BRD10: variants seen among roughly 807,000 people sequenced by gnomAD.
BRD10 encodes bromodomain containing 10.
chr9:6,005,037 T>G, the BRD10 span, among the ~76,000 whole-genome samples: 30,289 of 152,182 alleles, frequency 0.2, 3,241 homozygotes, highest in Middle Eastern at 0.3. Context: ...CCTAAGAATG[T>G]CAGAAATACA....
At chr9:5,989,991 C>T in the BRD10 span, among the ~76,000 whole-genome samples, 1 of 152,212 alleles carries the variant, frequency 6.6e-6, no homozygotes, top group Non-Finnish European at 1.5e-5. Flanking sequence ...TTCTACCAAA[C>T]TGTAGCACCA....
At chr9:5,945,224 C>T in the BRD10 span, among the ~76,000 whole-genome samples, 2 of 151,962 alleles carry the variant, frequency 1.3e-5, no homozygotes, top group African/African-American at 2.4e-5. Flanking sequence ...CTTTATAATT[C>T]GGGTACTTTC....
At chr9:5,931,615 T>C in the BRD10 span, among the ~76,000 whole-genome samples, 1 of 152,204 alleles carries the variant, frequency 6.6e-6, no homozygotes, top group Non-Finnish European at 1.5e-5. Context: ...TCTTTCTTTA[T>C]GTATTTTCAG....
At chr9:5,927,376 T>C in the BRD10 span, among the ~76,000 whole-genome samples, 1 of 152,202 alleles carries the variant, frequency 6.6e-6, no homozygotes. Flanking sequence ...ATTTTTTGTC[T>C]ACTAAATCAT....
the BRD10 span, among the ~76,000 whole-genome samples, chr9:5,971,028 G>T: frequency 7.9e-6 from 1 of 126,052 alleles, no homozygotes. Flanking sequence ...CTCCAGCCTG[G>T]GCAACAAGAG....
At chr9:5,941,637 G>A in the BRD10 span, among the ~76,000 whole-genome samples, 3 of 152,124 alleles carry the variant, frequency 2.0e-5, no homozygotes, top group African/African-American at 7.2e-5. Context: ...AACAAAATTA[G>A]TTGCTTTGCA....
At chr9:5,892,534 T>C in the BRD10 span, 1 of 1,613,388 alleles carries the variant, frequency 6.2e-7, no homozygotes, top group South Asian at 1.1e-5. Flanking sequence ...ACGGCCACTC[T>C]TACACCACGG....
chr9:5,902,956 A>G, the BRD10 span, among the ~76,000 whole-genome samples: 1 of 152,166 alleles, frequency 6.6e-6, no homozygotes, highest in Non-Finnish European at 1.5e-5. Flanking sequence ...TACACATTCA[A>G]TGTCATACAT....
At chr9:5,978,847 T>G in the BRD10 span, among the ~76,000 whole-genome samples, 6 of 152,224 alleles carry the variant, frequency 3.9e-5, no homozygotes, top group Non-Finnish European at 7.3e-5. Flanking sequence ...CTACCTGATG[T>G]TGTTCATGCA....
the BRD10 span, chr9:5,919,670 CTT>C: frequency 6.3e-7 from 1 of 1,581,888 alleles, no homozygotes; most frequent in Non-Finnish European, 8.6e-7. Flanking sequence ...AAAACTGGCT[CTT>C]TTAGTCTAAA....
At chr9:5,885,600 T>C in the BRD10 span, among the ~76,000 whole-genome samples, 1 of 152,154 alleles carries the variant, frequency 6.6e-6, no homozygotes, top group Non-Finnish European at 1.5e-5. Flanking sequence ...CTTGAACTCC[T>C]GACCTCAGGT....
At chr9:5,952,273 G>A in the BRD10 span, among the ~76,000 whole-genome samples, 15 of 152,022 alleles carry the variant, frequency 9.9e-5, no homozygotes, top group South Asian at 2.1e-4. Context: ...CGCCTGCCTC[G>A]GCCTCCCTAA....
At chr9:5,922,960 C>T in the BRD10 span, 45 of 1,613,884 alleles carry the variant, frequency 2.8e-5, no homozygotes, top group South Asian at 4.6e-4. Flanking sequence ...TCCCAATATT[C>T]TTTGCAAGCA....
chr9:5,985,194 T>C, the BRD10 span, among the ~76,000 whole-genome samples: 3 of 152,228 alleles, frequency 2.0e-5, no homozygotes, highest in Non-Finnish European at 4.4e-5. Flanking sequence ...CTGAAGGAAC[T>C]GGCTATCCAT....
the BRD10 span, chr9:5,968,299 T>C: frequency 1.2e-6 from 2 of 1,611,626 alleles, no homozygotes; most frequent in Non-Finnish European, 8.5e-7. Context: ...GACTTCCATT[T>C]ACATGTATTT....
At chr9:5,974,763 C>A in the BRD10 span, among the ~76,000 whole-genome samples, 1 of 152,174 alleles carries the variant, frequency 6.6e-6, no homozygotes, top group Non-Finnish European at 1.5e-5. Context: ...GACAAACTTA[C>A]AAGATATTAG....
At chr9:5,966,367 C>T in the BRD10 span, among the ~76,000 whole-genome samples, 2 of 145,482 alleles carry the variant, frequency 1.4e-5, no homozygotes, top group African/African-American at 5.0e-5. Context: ...TTCTGGGTTA[C>T]AATTATATTA....
chr9:5,896,853 A>G, the BRD10 span, among the ~76,000 whole-genome samples: 2 of 152,172 alleles, frequency 1.3e-5, no homozygotes, highest in Non-Finnish European at 1.5e-5. Flanking sequence ...ATCCTTCTCA[A>G]TAAGTAATGC....
At chr9:5,971,502 T>C in the BRD10 span, among the ~76,000 whole-genome samples, 5 of 152,120 alleles carry the variant, frequency 3.3e-5, no homozygotes, top group African/African-American at 4.8e-5. Flanking sequence ...ATAAATCAGA[T>C]TGCAATCCAG....
Sources: gnomAD v4.1 joint callset for allele counts (sites outside exome capture counted in the v4.1 genomes callset) on GRCh38, gnomAD v4.1.1 for gene constraint, MANE v1.5 for transcripts, NCBI Gene and HGNC (gene_info 2026-07-23, HGNC 2026-07-21) for gene names.